SAFB: variants seen among roughly 807,000 people sequenced by gnomAD.
SAFB encodes the protein scaffold attachment factor B1.
A neutral mutation model predicts 101.6 loss-of-function variants in SAFB; 15 were observed. The ratio of observed to expected loss-of-function variants is 0.15; its 90% CI spans 0.10 to 0.23. The LOEUF is 0.23. Ranked by LOEUF, SAFB falls within the 10% of genes least tolerant of loss-of-function variation. SAFB has a pLI of 1.00. For synonymous variants in SAFB, 449 were observed against 407.5 expected (o/e 1.10, Z -1.23); for missense variants, 930 against 1,104.1 (o/e 0.84, Z 2.23).
At chr19:5,639,906 C>T (rs1226550797) in intron 2 of SAFB, among the ~76,000 whole-genome samples, 6 of 151,980 alleles carry the variant, frequency 3.9e-5, no homozygotes, top group African/African-American at 9.6e-5. Context: ...GGCAGGATCT[C>T]GGCTCACCGC....
intron 2 of SAFB, among the ~76,000 whole-genome samples, chr19:5,631,244 G>C (rs888383019): frequency 6.6e-6 from 1 of 152,134 alleles, no homozygotes; most frequent in African/African-American, 2.4e-5. Flanking sequence ...GCCCCTCCCA[G>C]TGCGTCTCCC....
chr19:5,623,485 GCCGCGT>G, intron 1 of SAFB, 91 bp downstream of exon 1: 1 of 1,154,442 alleles, frequency 8.7e-7, no homozygotes, highest in Non-Finnish European at 1.2e-6. Flanking sequence ...TCCGCCCCCG[GCCGCGT>G]TCGCGGCCTC....
intron 5 of SAFB, among the ~76,000 whole-genome samples, chr19:5,647,715 G>C (rs940658947): frequency 6.6e-6 from 1 of 152,182 alleles, no homozygotes; most frequent in Non-Finnish European, 1.5e-5. Flanking sequence ...TGAAAACACT[G>C]CTCTCCTTGA....
Position 5,653,393 on chromosome 19 carries a change from A to G in SAFB, c.1499A>G (p.Lys500Arg), listed in dbSNP as rs770742041. 1.9e-6 allele frequency: 3 copies of G among 1,614,186 alleles called. No homozygotes were observed. The highest frequency in any genetic ancestry group is 1.7e-6 in the Non-Finnish European group (2 of 1,180,034). Reference sequence around the variant, plus strand: ...TCTGACAAAAGAGACAGTGACGGGAAAAAGGAGAAGTCGAGCAACAGTGAC... The same window carrying G: ...TCTGACAAAAGAGACAGTGACGGGAGAAAGGAGAAGTCGAGCAACAGTGAC... ...KTSDKRDSDG[K>R]KEKSSNSDRS... Residue 500 changes from lysine (K) to arginine (R), a missense_variant, in exon 11 of 21, where the codon AAA becomes AGA. Around this residue, in one of 7 missense-constraint regions of SAFB, gnomAD observed 92 missense variants for 83.8 expected, o/e 1.10. Transcript: ENST00000588852.
chr19:5,623,149 C>T lies in SAFB; in HGVS notation c.-57C>T. 1.3e-6 allele frequency: 2 copies of T among 1,512,852 alleles called. No individual in the cohort carries two copies. Among genetic ancestry groups the T allele is most frequent in the Non-Finnish European group, 1.8e-6 (2 of 1,116,948 alleles). 93.7% of individuals were successfully genotyped at this position (1,512,852 alleles called of 1,614,324 possible). On this transcript the variant is annotated 5_prime_UTR_variant, in exon 1 of 21. Coordinates refer to ENST00000588852, the MANE Select transcript of SAFB (RefSeq NM_001201338.2). ...AGGCGGCGCCATTTTGTGCTAGGAG[C>T]CTGATAAAACCGGCCCGGTTCTGTG...
chr19:5,635,326 T>G (rs2053573654), intron 2 of SAFB, among the ~76,000 whole-genome samples: 1 of 152,076 alleles, frequency 6.6e-6, no homozygotes, highest in East Asian at 1.9e-4. Context: ...GTCCAAGGCC[T>G]GTTAGTAGTT....
chr19:5,653,458 G>A, intron 11 of SAFB, 38 bp downstream of exon 11: 1 of 1,577,134 alleles, frequency 6.3e-7, no homozygotes, highest in Non-Finnish European at 8.7e-7. Flanking sequence ...GGGGCAGGGT[G>A]TTTTTTGTTG....
chr19:5,651,641 C>T (rs1421188246), intron 9 of SAFB, among the ~76,000 whole-genome samples: 2 of 152,252 alleles, frequency 1.3e-5, no homozygotes, highest in South Asian at 2.1e-4. Context: ...GGGCTGGTGG[C>T]ACCAGCCCCC....
At chr19:5,654,000 C>CA (rs2053998535) in intron 11 of SAFB, 61 bp from the exon 12 acceptor site, 1 of 1,553,990 alleles carries the variant, frequency 6.4e-7, no homozygotes, top group African/African-American at 1.4e-5. Flanking sequence ...CTCATCCCCC[C>CA]AAAGTGCTGG....
chr19:5,656,087 TATG>T (rs1568273292), intron 13 of SAFB, among the ~76,000 whole-genome samples: 1 of 152,170 alleles, frequency 6.6e-6, no homozygotes, highest in Non-Finnish European at 1.5e-5. Context: ...GTCTTTCAAT[TATG>T]ATAAGCAAAA....
chr19:5,640,267 C>T (rs1284808793), intron 2 of SAFB, among the ~76,000 whole-genome samples: 2 of 151,208 alleles, frequency 1.3e-5, no homozygotes, highest in Non-Finnish European at 2.9e-5. Flanking sequence ...GAGATAAATT[C>T]GTGTTAAAAC....
At chr19:5,664,501 A>G (rs2054286803) in intron 17 of SAFB, 62 bp downstream of exon 17, 2 of 1,294,934 alleles carry the variant, frequency 1.5e-6, no homozygotes, top group South Asian at 1.2e-5. Flanking sequence ...TTTTCCCTTC[A>G]GCGTGCCTTC....
At chr19:5,642,651 C>CTTTTTTTTTTT (rs767488519) in intron 4 of SAFB, among the ~76,000 whole-genome samples, 830 of 70,852 alleles carry the variant, frequency 0.012, 120 homozygotes, top group East Asian at 0.076. Flanking sequence ...CCCTTCCTTT[C>CTTTTTTTTTTT]TTTTTTTTTT....
intron 2 of SAFB, among the ~76,000 whole-genome samples, chr19:5,641,124 C>A (rs2053702822): frequency 6.6e-6 from 1 of 152,156 alleles, no homozygotes; most frequent in Non-Finnish European, 1.5e-5. Context: ...CCCGCCTAGG[C>A]CTCCCAAAGT....
intron 9 of SAFB, among the ~76,000 whole-genome samples, chr19:5,651,654 C>G (rs567780892): frequency 6.6e-6 from 1 of 152,280 alleles, no homozygotes; most frequent in East Asian, 1.9e-4. Context: ...CAGCCCCCTA[C>G]CTGCAGTGCC....
Position 5,668,399 on chromosome 19 carries a change from C to G in SAFB, c.*108C>G, listed in dbSNP as rs1233067643. On this transcript the variant is annotated 3_prime_UTR_variant, in exon 21 of 21. Transcript: ENST00000588852. ...TTTTTAATCTGCTGCCATATTGTAG[C>G]TCAATACAATGTGAATTTGTTTTTC... 8.2e-7 allele frequency: 1 copy of G among 1,220,154 alleles called. No individual in the cohort carries two copies. Among genetic ancestry groups the G allele is most frequent in the African/African-American group, 1.6e-5 (1 of 61,886 alleles). 75.6% of individuals were successfully genotyped at this position (1,220,154 alleles called of 1,614,324 possible).
chr19:5,654,094 C>T lies in SAFB; in HGVS notation c.1560C>T (p.Asp520=), dbSNP rs767594720. 3 of 1,614,098 alleles carry T rather than the reference C, an allele frequency of 1.9e-6. No individual in the cohort carries two copies. Among genetic ancestry groups the T allele is most frequent in the Admixed American group, 3.3e-5 (2 of 60,016 alleles). The change falls in exon 12 of 21, where the codon GAC becomes GAT. Residue 520 remains aspartate, a synonymous_variant. Transcript: ENST00000588852. ...ACCTTAAGAGGGATGATAAATGTGA[C>T]AGAAAAGATGATGCTAAGAAGGGTG... The part of the protein sequence containing the change: ...STNLKRDDKC[D]RKDDAKKGDD...
intron 14 of SAFB, among the ~76,000 whole-genome samples, chr19:5,658,703 C>T (rs182477081): frequency 2.9e-4 from 44 of 151,376 alleles, no homozygotes; most frequent in Non-Finnish European, 5.9e-4. Flanking sequence ...ATGAACTGGG[C>T]GTGGTGGCGG....
chr19:5,657,184 C>T lies in SAFB; in HGVS notation c.1756-57C>T, dbSNP rs77357868. On this transcript the variant is annotated intron_variant, in intron 13 of 20. Coordinates refer to ENST00000588852, the MANE Select transcript of SAFB (RefSeq NM_001201338.2). ...ACTTTGAAAGTGCTTGGATTACAGG[C>T]ATAAGCCTCCGTGCCTGGCCTCTGC... The T allele has an allele frequency of 3.5e-3, 4,573 of 1,291,268 alleles. 123 individuals carry two copies. In the African/African-American group the frequency reaches 0.055, roughly 16 times the overall value. 80.0% of individuals were successfully genotyped at this position (1,291,268 alleles called of 1,614,324 possible). A position where few individuals can be genotyped will look rare whatever the true frequency, so the allele number is the denominator to read the frequency against.
Sources: allele counts gnomAD v4.1 joint callset (sites outside exome capture counted in the v4.1 genomes callset), GRCh38; gene constraint gnomAD v4.1.1; regional missense constraint gnomAD v4.1.1; transcripts MANE v1.5; gene names NCBI Gene and HGNC (gene_info 2026-07-23, HGNC 2026-07-21).